MGMT: variants seen among roughly 807,000 people sequenced by gnomAD.
The protein encoded by MGMT is methylated-DNA--protein-cysteine methyltransferase.
A neutral mutation model predicts 15.9 loss-of-function variants in MGMT; 14 were observed. The ratio of observed to expected loss-of-function variants is 0.88; its 90% CI spans 0.58 to 1.37. The LOEUF is 1.37. MGMT is among the 40% of genes most tolerant of loss of function. The pLI is 0.00. For missense variants in MGMT, 282 were observed against 268.1 expected, an observed-to-expected ratio of 1.05 and a Z score of -0.36; for synonymous variants, 130 against 118.2, an observed-to-expected ratio of 1.10 and a Z score of -0.65.
intron 2 of MGMT, among the ~76,000 whole-genome samples, chr10:129,656,288 A>G (rs940269292): frequency 6.6e-6 from 1 of 152,216 alleles, no homozygotes; most frequent in Non-Finnish European, 1.5e-5. Context: ...CTTGGGAACC[A>G]GTTGTGGCCA....
rs888251566 is a variant in MGMT, at chr10:129,556,763, C to T, written c.125+20386C>T. ...TTTGAGAAGGCATCCATTATTAAAA[C>T]CAAATTCAACAGAGAATTTAAAAAC... On this transcript the variant is annotated intron_variant, in intron 2 of 4. Transcript: ENST00000651593. This position sits in a 1 kb window ranked among gnomAD's most constrained non-coding sequence, Gnocchi z 4.3. Among the ~76,000 whole-genome samples, 1 of 152,206 alleles carries T rather than the reference C, an allele frequency of 6.6e-6. No homozygotes were observed. Among genetic ancestry groups the T allele is most frequent in the African/African-American group, 2.4e-5 (1 of 41,454 alleles).
chr10:129,493,523 G>T (rs1341083241), intron 1 of MGMT, among the ~76,000 whole-genome samples: 2 of 152,096 alleles, frequency 1.3e-5, no homozygotes, highest in African/African-American at 4.8e-5. Flanking sequence ...CAACTGGTTT[G>T]GTTTTTGCAT....
intron 2 of MGMT, among the ~76,000 whole-genome samples, chr10:129,597,154 TGGATGTCA>T (rs1846760718): frequency 6.6e-6 from 1 of 152,168 alleles, no homozygotes; most frequent in African/African-American, 2.4e-5. Context: ...CGTCCAGTGT[TGGATGTCA>T]GGAAGTTCAC....
At chr10:129,617,297 A>G (rs1443409016) in intron 2 of MGMT, among the ~76,000 whole-genome samples, 1 of 152,132 alleles carries the variant, frequency 6.6e-6, no homozygotes, top group East Asian at 1.9e-4. Context: ...TCTGTGGTGT[A>G]TATTTACCAC....
chr10:129,624,210 CTG>C (rs1486267837), intron 2 of MGMT, among the ~76,000 whole-genome samples: 1 of 152,248 alleles, frequency 6.6e-6, no homozygotes, highest in African/African-American at 2.4e-5. Flanking sequence ...GGTTTGTGGA[CTG>C]TGCCCAGGGT....
Position 129,712,462 on chromosome 10 carries a change from T to A in MGMT, c.274+4419T>A, listed in dbSNP as rs144677308. On this transcript the variant is annotated intron_variant, in intron 3 of 4. Transcript: ENST00000651593. ...CTTTTTTAACACCTGCTGGTAGAAG[T>A]AAGTTTTTGTAACTTCTATTATAGA... Among the ~76,000 whole-genome samples, 6 of 152,364 alleles carry A rather than the reference T, an allele frequency of 3.9e-5. No individual in the cohort carries two copies. In the East Asian group the frequency reaches 1.2e-3, roughly 29 times the overall value.
At chr10:129,616,816 G>A (rs550044577) in intron 2 of MGMT, among the ~76,000 whole-genome samples, 1 of 152,206 alleles carries the variant, frequency 6.6e-6, no homozygotes, top group East Asian at 1.9e-4. Context: ...CTTGCAGATA[G>A]CGGTGAGGTG....
intron 2 of MGMT, among the ~76,000 whole-genome samples, chr10:129,538,934 A>G (rs1044937558): frequency 1.3e-5 from 2 of 152,016 alleles, no homozygotes; most frequent in Non-Finnish European, 2.9e-5. Context: ...GCGCCTGGCC[A>G]CCTTTTGCTC....
chr10:129,558,112 C>T (rs556627970), intron 2 of MGMT, among the ~76,000 whole-genome samples: 1 of 152,140 alleles, frequency 6.6e-6, no homozygotes, highest in African/African-American at 2.4e-5. Context: ...CCCCTGTGCG[C>T]CCGGGGTCAG....
intron 1 of MGMT, among the ~76,000 whole-genome samples, chr10:129,514,673 G>C (rs1845719078): frequency 6.6e-6 from 1 of 152,126 alleles, no homozygotes; most frequent in East Asian, 1.9e-4. Flanking sequence ...TTAGGTTAGT[G>C]CCCTTATGAA....
chr10:129,552,975 T>A (rs1442120535), intron 2 of MGMT, among the ~76,000 whole-genome samples: 1 of 152,226 alleles, frequency 6.6e-6, no homozygotes, highest in Non-Finnish European at 1.5e-5. Flanking sequence ...ATTAAAACTT[T>A]TCAAGCAGTA....
At chr10:129,743,769 G>T (rs894371412) in intron 3 of MGMT, among the ~76,000 whole-genome samples, 4 of 152,190 alleles carry the variant, frequency 2.6e-5, no homozygotes, top group Non-Finnish European at 5.9e-5. Flanking sequence ...TTCCATAGCC[G>T]CTGTGTCATA....
intron 2 of MGMT, among the ~76,000 whole-genome samples, chr10:129,703,666 A>G (rs572150929): frequency 2.5e-4 from 37 of 150,488 alleles, no homozygotes; most frequent in African/African-American, 9.3e-4. Flanking sequence ...GCTCCACTCC[A>G]TCCTCGCCGG....
At chr10:129,501,287 C>T (rs751053775) in intron 1 of MGMT, among the ~76,000 whole-genome samples, 7 of 152,108 alleles carry the variant, frequency 4.6e-5, no homozygotes, top group Non-Finnish European at 8.8e-5. Flanking sequence ...CTGCCTCCTG[C>T]GGGGGTGGGG....
At chr10:129,766,649 C>A (rs1461641093) in intron 4 of MGMT, 139 bp from the exon 5 acceptor site, 4 of 719,422 alleles carry the variant, frequency 5.6e-6, no homozygotes, top group African/African-American at 5.3e-5. Flanking sequence ...CTGACACCCA[C>A]CCATGCCAAC....
chr10:129,578,304 C>A (rs1846511034), intron 2 of MGMT, among the ~76,000 whole-genome samples: 1 of 152,126 alleles, frequency 6.6e-6, no homozygotes, highest in Admixed American at 6.5e-5. Context: ...CAATGATAGA[C>A]TGGATTAAGA....
intron 1 of MGMT, chr10:129,467,498 T>C (rs993846475): frequency 1.1e-6 from 1 of 891,160 alleles, no homozygotes; most frequent in Non-Finnish European, 1.3e-6. Context: ...CTGGGGTTCC[T>C]GGACTAGGCT....
intron 2 of MGMT, among the ~76,000 whole-genome samples, chr10:129,594,232 CT>C (rs1846724437): frequency 6.6e-6 from 1 of 152,158 alleles, no homozygotes; most frequent in African/African-American, 2.4e-5. Context: ...TTAAGCTTTC[CT>C]TTTGCATAAG....
At chr10:129,497,046 A>G (rs1845528818) in intron 1 of MGMT, among the ~76,000 whole-genome samples, 1 of 152,136 alleles carries the variant, frequency 6.6e-6, no homozygotes, top group Admixed American at 6.5e-5. Flanking sequence ...GAAGTTCTGA[A>G]GCAAGTACTC....
Sources: gnomAD v4.1 joint callset for allele counts (sites outside exome capture counted in the v4.1 genomes callset) on GRCh38, gnomAD v4.1.1 for gene constraint, Gnocchi (gnomAD v3.1) non-coding constraint, MANE v1.5 for transcripts, NCBI Gene and HGNC (gene_info 2026-07-23, HGNC 2026-07-21) for gene names.